Variants in CFAP251 observed in about 807,000 individuals in gnomAD.
The protein encoded by CFAP251 is cilia and flagella associated protein 251.
In CFAP251, 93 loss-of-function variants were observed where a neutral mutation model predicts 126.7. The ratio of observed to expected loss-of-function variants is 0.73; its 90% CI spans 0.62 to 0.87. The LOEUF (loss-of-function observed/expected upper bound fraction) is 0.87. Among genes scored for constraint, CFAP251 ranks in the 40% least tolerant of loss-of-function variants. The pLI, the probability that CFAP251 is intolerant of heterozygous loss-of-function variation, is 0.00. For missense variants in CFAP251, 1,287 were observed against 1,389.2 expected (o/e 0.93, Z 1.17); for synonymous variants, 503 against 506.9 (o/e 0.99, Z 0.10).
At chr12:121,949,618 C>T (rs551657806) in intron 8 of CFAP251, 1 of 152,168 alleles carries the variant, frequency 6.6e-6, no homozygotes, top group Admixed American at 6.6e-5. Context: ...CACAGTGGCT[C>T]ATGACTGTAC....
At chr12:121,946,275 G>A (rs1161442651) in intron 7 of CFAP251, among the ~76,000 whole-genome samples, 1 of 152,194 alleles carries the variant, frequency 6.6e-6, no homozygotes, top group Admixed American at 6.5e-5. Context: ...GAATAGGTGT[G>A]TAACTGTTTA....
chr12:121,949,116 C>G lies in CFAP251; in HGVS notation c.1269+55C>G, dbSNP rs74640329. On this transcript the variant is annotated intron_variant, in intron 8 of 21. Coordinates refer to ENST00000288912, the MANE Select transcript of CFAP251 (RefSeq NM_144668.6). Reference sequence around the variant, plus strand: ...ATGTGGGTAGAAGTATGTGTTCATTCTTTGAGTACAAATGTTTCAGTAATG... The same window carrying G: ...ATGTGGGTAGAAGTATGTGTTCATTGTTTGAGTACAAATGTTTCAGTAATG... 4 of 1,157,664 alleles carry G rather than the reference C, an allele frequency of 3.5e-6. No individual in the cohort carries two copies. The African/African-American group carries it at 4.7e-5, about 14-fold the overall frequency. 71.7% of individuals were successfully genotyped at this position (1,157,664 alleles called of 1,614,324 possible).
chr12:121,929,319 C>CAA (rs907807088), intron 3 of CFAP251, among the ~76,000 whole-genome samples: 12 of 68,946 alleles, frequency 1.7e-4, no homozygotes, highest in South Asian at 4.5e-4. Context: ...GACTCCATCT[C>CAA]AAAAAAAAAA....
intron 2 of CFAP251, among the ~76,000 whole-genome samples, chr12:121,922,624 G>T (rs755110872): frequency 5.3e-5 from 8 of 152,132 alleles, no homozygotes; most frequent in Non-Finnish European, 8.8e-5. Flanking sequence ...CCCAGTAGGA[G>T]AACTTAGCTG....
intron 13 of CFAP251, 123 bp downstream of exon 13, chr12:121,959,217 A>C (rs1474350672): frequency 3.9e-6 from 4 of 1,031,692 alleles, no homozygotes; most frequent in Non-Finnish European, 5.5e-6. Flanking sequence ...TGGGAGGATC[A>C]TTGGAGGACA....
chr12:121,947,104 A>G (rs1429955018), intron 7 of CFAP251, among the ~76,000 whole-genome samples: 1 of 151,854 alleles, frequency 6.6e-6, no homozygotes, highest in Non-Finnish European at 1.5e-5. Context: ...GTCTTGTCCC[A>G]CTGGTCTTTT....
chr12:121,999,629 C>G, intron 19 of CFAP251, 87 bp from the exon 20 acceptor site: 11 of 1,042,974 alleles, frequency 1.1e-5, no homozygotes, highest in Non-Finnish European at 1.4e-5. Flanking sequence ...AGCCGCTGCA[C>G]CAGCCCTACT....
At chr12:122,002,592 A>C (rs1042940753) in intron 21 of CFAP251, among the ~76,000 whole-genome samples, 1 of 152,138 alleles carries the variant, frequency 6.6e-6, no homozygotes, top group African/African-American at 2.4e-5. Context: ...GAGAGCATCA[A>C]CTTGGTGGGC....
chr12:121,961,890 A>G, intron 14 of CFAP251, 88 bp from the exon 15 acceptor site: 1 of 1,365,748 alleles, frequency 7.3e-7, no homozygotes, highest in Non-Finnish European at 1.0e-6. Context: ...GATAATTATA[A>G]AGGCTGTCAC....
At chr12:121,990,332 G>A (rs1038681418) in intron 19 of CFAP251, among the ~76,000 whole-genome samples, 2 of 152,208 alleles carry the variant, frequency 1.3e-5, no homozygotes, top group Admixed American at 6.5e-5. Context: ...AGGCCTATGG[G>A]TGGGCAACAC....
At chr12:121,970,883 G>A (rs1882308389) in intron 17 of CFAP251, among the ~76,000 whole-genome samples, 1 of 152,210 alleles carries the variant, frequency 6.6e-6, no homozygotes, top group Non-Finnish European at 1.5e-5. Context: ...ACAAATTATA[G>A]CTCTCACCAC....
In CFAP251 at chr12:121,972,307, T is replaced by G. The variant is rs143348661; in HGVS notation, c.2772-2937T>G. On this transcript the variant is annotated intron_variant, in intron 17 of 21. Transcript: ENST00000288912. The stretch of plus-strand genomic sequence containing the variant: ...ATGGCTTTAGCCAAAAGCCTGATAG[T>G]GATATGGACAATAAGGTTCAGGCTG... 4.4e-3 allele frequency among the ~76,000 whole-genome samples: 670 copies of G among 152,258 alleles called. 5 individuals carry two copies. The highest frequency in any genetic ancestry group is 0.015 in the African/African-American group (627 of 41,522).
chr12:121,986,534 C>T (rs1358102204), intron 19 of CFAP251, among the ~76,000 whole-genome samples: 2 of 145,984 alleles, frequency 1.4e-5, no homozygotes, highest in African/African-American at 5.1e-5. Flanking sequence ...TCACTGACCT[C>T]GTGATCCTCC....
rs71082922 is a variant in CFAP251, at chr12:121,979,563, C to CTTTTTTTTTTTTTTTTTTT, written c.3006+3879_3006+3897dup. Reference sequence around the variant, plus strand: ...GAGATCATTAGTCAGCTTTCTTCTTCTTTTTTTTTTTTTTTTTTTGAGACA... The same window carrying CTTTTTTTTTTTTTTTTTTT: ...GAGATCATTAGTCAGCTTTCTTCTTCTTTTTTTTTTTTTTTTTTTTTTTTTTTTTTTTTTTTTTGAGACA... On this transcript the variant is annotated intron_variant, in intron 19 of 21. Transcript: ENST00000288912. 6.1e-4 allele frequency among the ~76,000 whole-genome samples: 52 copies of CTTTTTTTTTTTTTTTTTTT among 84,990 alleles called. 6 individuals carry two copies. Among genetic ancestry groups the CTTTTTTTTTTTTTTTTTTT allele is most frequent in the Middle Eastern group, 0.017 (1 of 58 alleles). 55.8% of individuals were successfully genotyped at this position (84,990 alleles called of 152,430 possible).
At position 121,918,914 on chromosome 12, in the gene CFAP251, G is replaced by T. The variant is rs984462711; in HGVS notation, c.-21+219G>T. Among the ~76,000 whole-genome samples the T allele has an allele frequency of 6.6e-6, 1 of 152,126 alleles. No homozygotes were observed. The highest frequency in any genetic ancestry group is 2.4e-5 in the African/African-American group (1 of 41,428). ...CCTGGCACCCCTGCCCCAAACCCCT[G>T]CGGCTCGAACCCGGCTGTCCAGACG... On this transcript the variant is annotated intron_variant, in intron 1 of 21. Transcript: ENST00000288912. The surrounding 1 kb of genome is among the most constrained non-coding windows in gnomAD (Gnocchi z 4.3).
intron 19 of CFAP251, among the ~76,000 whole-genome samples, chr12:121,987,683 C>G (rs1455741490): frequency 6.7e-6 from 1 of 150,260 alleles, no homozygotes; most frequent in Non-Finnish European, 1.5e-5. Context: ...CCATTGCACT[C>G]CAGCCTGGGC....
At chr12:121,922,062 T>C (rs1184557105) in intron 2 of CFAP251, among the ~76,000 whole-genome samples, 2 of 151,376 alleles carry the variant, frequency 1.3e-5, no homozygotes, top group African/African-American at 2.4e-5. Context: ...CCCAAAGTGC[T>C]AGGATTACAG....
chr12:121,995,622 C>A (rs1213818349), intron 19 of CFAP251, among the ~76,000 whole-genome samples: 1 of 152,090 alleles, frequency 6.6e-6, no homozygotes, highest in Admixed American at 6.6e-5. Flanking sequence ...CCTGCATGAG[C>A]CCCCCAGTAG....
intron 19 of CFAP251, among the ~76,000 whole-genome samples, chr12:121,977,738 G>A (rs1882498869): frequency 6.6e-6 from 1 of 151,276 alleles, no homozygotes; most frequent in South Asian, 2.1e-4. Flanking sequence ...GGCGGATCAC[G>A]AGGTCAGAAG....
Sources: gnomAD v4.1 joint callset for allele counts (sites outside exome capture counted in the v4.1 genomes callset) on GRCh38, gnomAD v4.1.1 for gene constraint, Gnocchi (gnomAD v3.1) non-coding constraint, MANE v1.5 for transcripts, NCBI Gene and HGNC (gene_info 2026-07-23, HGNC 2026-07-21) for gene names.